Variants in ASIC2 observed in about 807,000 individuals in gnomAD.
ASIC2 encodes acid-sensing ion channel 2.
In ASIC2, 25 loss-of-function variants were observed where a neutral mutation model predicts 57.3. The observed-to-expected ratio is 0.44, with a 90% confidence interval of 0.32 to 0.61. ASIC2 has a LOEUF of 0.61. Ranked by LOEUF, ASIC2 falls within the 20% of genes least tolerant of loss-of-function variation. The probability of loss-of-function intolerance (pLI) is 0.06; values close to 1 mark genes in which losing one functional copy is unlikely to be tolerated. For synonymous variants in ASIC2, 319 were observed against 307.5 expected (o/e 1.04, Z -0.39); for missense variants, 641 against 738.1 (o/e 0.87, Z 1.52).
chr17:33,069,289 C>T (rs926202383), intron 3 of ASIC2, among the ~76,000 whole-genome samples: 3 of 152,124 alleles, frequency 2.0e-5, no homozygotes, highest in Non-Finnish European at 2.9e-5. Flanking sequence ...TGTGTGTACT[C>T]GTAAAGAATG....
intron 1 of ASIC2, among the ~76,000 whole-genome samples, chr17:33,194,720 AC>A (rs1906559609): frequency 1.3e-5 from 2 of 151,952 alleles, no homozygotes; most frequent in Non-Finnish European, 2.9e-5. Context: ...CTGTTGACTT[AC>A]AGTACTGCAG....
intron 1 of ASIC2, among the ~76,000 whole-genome samples, chr17:33,892,806 T>C (rs1914998043): frequency 6.6e-6 from 1 of 152,112 alleles, no homozygotes; most frequent in Non-Finnish European, 1.5e-5. Context: ...AAGGTACAGT[T>C]TTTCCATTTG....
intron 1 of ASIC2, among the ~76,000 whole-genome samples, chr17:34,029,739 C>T (rs1375062806): frequency 2.0e-5 from 3 of 152,182 alleles, no homozygotes; most frequent in African/African-American, 7.2e-5. Flanking sequence ...GGAAGAGAGC[C>T]TTCACCAGAA....
At chr17:33,269,696 T>TTCCCTCCCTCCCTCCC (rs1904395704) in intron 1 of ASIC2, among the ~76,000 whole-genome samples, 1 of 59,408 alleles carries the variant, frequency 1.7e-5, no homozygotes, top group African/African-American at 5.5e-5. Flanking sequence ...CCTGCCTGCC[T>TTCCCTCCCTCCCTCCC]GCCTGCCTGC....
chr17:33,443,406 A>ATTTTTTTTTTTTTTT lies in ASIC2; in HGVS notation c.556-331354_556-331340dup, dbSNP rs779597047. Among the ~76,000 whole-genome samples the ATTTTTTTTTTTTTTT allele has an allele frequency of 2.5e-4, 19 of 75,260 alleles. 3 individuals carry two copies. The highest frequency in any genetic ancestry group is 3.4e-4 in the Non-Finnish European group (14 of 41,170). The allele number at this position is 75,260 out of a possible 152,430, so 49.4% of individuals were successfully genotyped here. On this transcript the variant is annotated intron_variant, in intron 1 of 9. Coordinates refer to the ASIC2 transcript ENST00000359872. ...TTTTTTATGTATGGTGGAGGGTAAG[A>ATTTTTTTTTTTTTTT]TTTTTTTTTTTTTTTTTTTTTTTTT... is the stretch of plus-strand genomic sequence containing the variant.
chr17:33,336,442 C>A (rs555337299), intron 1 of ASIC2, among the ~76,000 whole-genome samples: 24 of 152,100 alleles, frequency 1.6e-4, no homozygotes, highest in Admixed American at 5.9e-4. Context: ...TTTTGGCACC[C>A]CTGAAATTTT....
chr17:33,134,135 T>C (rs1002899848), intron 1 of ASIC2, among the ~76,000 whole-genome samples: 1 of 152,208 alleles, frequency 6.6e-6, no homozygotes, highest in African/African-American at 2.4e-5. Flanking sequence ...TAATATTACA[T>C]ATGCAAGTGC....
chr17:33,211,954 C>T (rs1032823884), intron 1 of ASIC2, among the ~76,000 whole-genome samples: 1 of 152,032 alleles, frequency 6.6e-6, no homozygotes, highest in Non-Finnish European at 1.5e-5. Flanking sequence ...TCCTATCGAT[C>T]CTCACTATGG....
chr17:33,639,869 A>T (rs1041105728), intron 1 of ASIC2, among the ~76,000 whole-genome samples: 1 of 152,146 alleles, frequency 6.6e-6, no homozygotes, highest in African/African-American at 2.4e-5. Flanking sequence ...TCCAAAAAAC[A>T]TCAATGGATA....
chr17:33,737,238 A>G (rs1909942772), intron 1 of ASIC2, among the ~76,000 whole-genome samples: 2 of 152,222 alleles, frequency 1.3e-5, no homozygotes, highest in Non-Finnish European at 2.9e-5. Context: ...CAAAAAATAG[A>G]CTCATTTTAC....
intron 1 of ASIC2, among the ~76,000 whole-genome samples, chr17:33,240,325 G>T (rs985115087): frequency 2.1e-4 from 32 of 151,724 alleles, no homozygotes; most frequent in African/African-American, 7.0e-4. Context: ...GAACCTACAG[G>T]TTTTTTTTTG....
chr17:33,150,744 G>C lies in ASIC2; in HGVS notation c.709-38677C>G, dbSNP rs920812258. 6.4e-5 allele frequency among the ~76,000 whole-genome samples: 8 copies of C among 124,206 alleles called. 1 individual carries two copies. The East Asian group carries it at 1.3e-3, about 21-fold the overall frequency. 81.5% of individuals were successfully genotyped at this position (124,206 alleles called of 152,430 possible). On this transcript the variant is annotated intron_variant, in intron 1 of 9. Coordinates refer to ENST00000225823, the MANE Select transcript of ASIC2 (RefSeq NM_183377.2). ...GGGCGCCTGTAGTCCCAGCTACTTG[G>C]GAGGCTGAGGCGGGAGAATGGCGTG...
At chr17:33,854,969 C>T (rs1295412996) in intron 1 of ASIC2, among the ~76,000 whole-genome samples, 1 of 152,162 alleles carries the variant, frequency 6.6e-6, no homozygotes, top group Non-Finnish European at 1.5e-5. Flanking sequence ...AACCTCTGAC[C>T]CAGGCTCCTG....
intron 1 of ASIC2, among the ~76,000 whole-genome samples, chr17:33,421,819 G>C (rs1163781768): frequency 6.6e-6 from 1 of 152,144 alleles, no homozygotes; most frequent in Non-Finnish European, 1.5e-5. Flanking sequence ...AGGTTCCTTT[G>C]CACGGTCATA....
At chr17:33,884,658 TC>T (rs1456392431) in intron 1 of ASIC2, among the ~76,000 whole-genome samples, 1 of 152,040 alleles carries the variant, frequency 6.6e-6, no homozygotes, top group Non-Finnish European at 1.5e-5. Flanking sequence ...TTGGCCTCCC[TC>T]CATGCAGGCT....
chr17:34,099,878 A>C (rs778748530), intron 1 of ASIC2, among the ~76,000 whole-genome samples: 1 of 152,240 alleles, frequency 6.6e-6, no homozygotes, highest in Non-Finnish European at 1.5e-5. Context: ...AAGGTAGAAT[A>C]CATGGTATGT....
In ASIC2 at chr17:33,307,296, TTC is replaced by T. The variant is rs1277104728; in HGVS notation, c.556-195231_556-195230del. Among the ~76,000 whole-genome samples, 8 of 151,682 alleles carry T rather than the reference TTC, an allele frequency of 5.3e-5. No individual in the cohort carries two copies. In the East Asian group the frequency reaches 1.6e-3, roughly 29 times the overall value. On this transcript the variant is annotated intron_variant, in intron 1 of 9. Transcript: ENST00000359872. The stretch of plus-strand genomic sequence containing the variant: ...CTCTTCCTTCTTCTTCTTCTTCTTC[TTC>T]TTCTTCTTTTTCTTCTTCGTCTTCT...
intron 1 of ASIC2, among the ~76,000 whole-genome samples, chr17:33,500,073 T>C (rs558810102): frequency 3.9e-5 from 6 of 152,152 alleles, no homozygotes; most frequent in African/African-American, 1.4e-4. Flanking sequence ...GGAAAAGGAT[T>C]TCCTAGAGGG....
chr17:33,473,589 G>C (rs1222695195), intron 1 of ASIC2, among the ~76,000 whole-genome samples: 1 of 152,176 alleles, frequency 6.6e-6, no homozygotes, highest in African/African-American at 2.4e-5. Context: ...CCATGACCTG[G>C]AGAGGTGGAA....
Sources: gnomAD v4.1 joint callset for allele counts (sites outside exome capture counted in the v4.1 genomes callset) on GRCh38, gnomAD v4.1.1 for gene constraint, MANE v1.5 for transcripts, NCBI Gene and HGNC (gene_info 2026-07-23, HGNC 2026-07-21) for gene names.